The following TNIP1 variants were observed in gnomAD, a reference collection of about 807,000 sequenced individuals.
TNIP1 encodes TNFAIP3 interacting protein 1, also known as TNFAIP3-interacting protein 1.
Under a neutral mutation model 86.6 loss-of-function variants are expected in TNIP1, and 22 were observed. The observed-to-expected ratio is 0.25, with a 90% CI of 0.18 to 0.36. TNIP1 has a LOEUF of 0.36. TNIP1 is among the 10% of genes least tolerant of loss of function. The pLI, the probability that TNIP1 is intolerant of heterozygous loss-of-function variation, is 1.00. For synonymous variants in TNIP1, 294 were observed against 313.0 expected (o/e 0.94, Z 0.64); for missense variants, 709 against 820.6 (o/e 0.86, Z 1.66).
chr5:151,064,902 C>A (rs975415392), intron 2 of TNIP1, 58 bp downstream of exon 2: 3 of 1,607,070 alleles, frequency 1.9e-6, no homozygotes, highest in Admixed American at 1.7e-5. Context: ...AGTAGAGGGA[C>A]TGGCATCACA....
intron 2 of TNIP1, among the ~76,000 whole-genome samples, chr5:151,064,709 G>A (rs935326140): frequency 2.6e-5 from 4 of 152,098 alleles, no homozygotes; most frequent in Non-Finnish European, 4.4e-5. Flanking sequence ...CTTAGCCCAC[G>A]CCTCCCTCTT....
At chr5:151,059,824 AGAGAGTGTGTGTGT>A (rs1761227028) in intron 5 of TNIP1, among the ~76,000 whole-genome samples, 5 of 79,440 alleles carry the variant, frequency 6.3e-5, no homozygotes, top group Admixed American at 1.5e-4. Flanking sequence ...AGAGAGAGAG[AGAGAGTGTGTGTGT>A]GTGTGTGTGT....
chr5:151,066,496 C>T (rs577779751), intron 1 of TNIP1, among the ~76,000 whole-genome samples: 13 of 152,342 alleles, frequency 8.5e-5, no homozygotes, highest in African/African-American at 3.1e-4. Context: ...ACACCATGCT[C>T]CGTGGGTCCT....
chr5:151,079,015 T>A (rs1229677396), intron 1 of TNIP1, among the ~76,000 whole-genome samples: 1 of 152,138 alleles, frequency 6.6e-6, no homozygotes, highest in Non-Finnish European at 1.5e-5. Context: ...GGTGGGGGTA[T>A]CCAGGGGCAG....
At chr5:151,065,642 CTTAAG>C (rs1453572156) in intron 1 of TNIP1, among the ~76,000 whole-genome samples, 3 of 152,102 alleles carry the variant, frequency 2.0e-5, no homozygotes, top group African/African-American at 7.2e-5. Flanking sequence ...AAATGAAAGT[CTTAAG>C]TTAATTTAGT....
At chr5:151,039,308 C>G (rs1758117335) in intron 11 of TNIP1, 83 bp from the exon 12 acceptor site, 1 of 1,470,812 alleles carries the variant, frequency 6.8e-7, no homozygotes, top group African/African-American at 1.4e-5. Context: ...TGGCCCAGCC[C>G]TTACGTTCTC....
chr5:151,038,965 G>C, intron 12 of TNIP1, 132 bp downstream of exon 12: 1 of 1,279,010 alleles, frequency 7.8e-7, no homozygotes, highest in Non-Finnish European at 1.0e-6. Flanking sequence ...GAGCAGGCGG[G>C]AAACAGGATG....
chr5:151,051,923 A>G lies in TNIP1; in HGVS notation c.722+242T>C, dbSNP rs1166592418. Among the ~76,000 whole-genome samples the G allele has an allele frequency of 2.0e-5, 3 of 152,134 alleles. No individual in the cohort carries two copies. In the East Asian group the frequency reaches 5.8e-4, roughly 29 times the overall value. ...AGTGCTGGAGGAGGAAGGAAGTACA[A>G]TCTATGCTGACCTTCTTCTGAAGCT... On this transcript the variant is annotated intron_variant, in intron 7 of 17. Transcript: ENST00000521591.
chr5:151,039,145 G>A lies in TNIP1; in HGVS notation c.1215C>T (p.Leu405=). 6.2e-7 allele frequency: 1 copy of A among 1,614,094 alleles called. No homozygotes were observed. The highest frequency in any genetic ancestry group is 8.5e-7 in the Non-Finnish European group (1 of 1,180,000). The part of the protein sequence containing the change: ...VKYLQDQLSP[L]TRQREYQEKE... ...TTTCCTGGTACTCACGCTGTCGGGT[G>A]AGTGGGCTCAGCTGATCCTGCAGGT... Residue 405 remains leucine (L), a synonymous_variant, in exon 12 of 18, where the codon CTC becomes CTT. Coordinates refer to ENST00000521591, the MANE Select transcript of TNIP1 (RefSeq NM_006058.5).
chr5:151,045,971 G>T, intron 8 of TNIP1, 21 bp from the exon 9 acceptor site: 1 of 1,610,618 alleles, frequency 6.2e-7, no homozygotes. Flanking sequence ...GCACAGAGGA[G>T]CCTTCACCAA....
chr5:151,044,560 G>A (rs1758879597), intron 9 of TNIP1, among the ~76,000 whole-genome samples: 1 of 152,150 alleles, frequency 6.6e-6, no homozygotes, highest in East Asian at 1.9e-4. Context: ...AAAAAAAGAC[G>A]CTTATAACAA....
At chr5:151,041,430 G>A (rs1758402868) in intron 11 of TNIP1, among the ~76,000 whole-genome samples, 1 of 152,134 alleles carries the variant, frequency 6.6e-6, no homozygotes, top group South Asian at 2.1e-4. Flanking sequence ...GAGTGCAGTG[G>A]CACAATCACA....
chr5:151,041,958 T>TTTTTA (rs1758475294), intron 11 of TNIP1, among the ~76,000 whole-genome samples: 1 of 150,862 alleles, frequency 6.6e-6, no homozygotes. Flanking sequence ...TTTTTTTTTT[T>TTTTTA]AGCAAGAGTT....
chr5:151,039,860 A>C (rs1758198939), intron 11 of TNIP1, among the ~76,000 whole-genome samples: 1 of 152,226 alleles, frequency 6.6e-6, no homozygotes, highest in Admixed American at 6.5e-5. Flanking sequence ...AAGAAAGATC[A>C]CCACAGCTGA....
intron 1 of TNIP1, among the ~76,000 whole-genome samples, chr5:151,071,934 T>C (rs914193957): frequency 1.3e-5 from 2 of 152,178 alleles, no homozygotes; most frequent in African/African-American, 4.8e-5. Context: ...TGACAGTTCG[T>C]TAGGCGCTAC....
rs183510814 is a variant in TNIP1, at chr5:151,038,493, G to A, written c.1263+604C>T. On this transcript the variant is annotated intron_variant, in intron 12 of 17. Transcript: ENST00000521591. ...GGCTAAGCTGGGACTAGACCACTCC[G>A]CTTGGCTCAGACCAGAGGGTTTCTG... 8.7e-4 allele frequency among the ~76,000 whole-genome samples: 133 copies of A among 152,272 alleles called. 1 individual carries two copies. The highest frequency in any genetic ancestry group is 2.9e-3 in the African/African-American group (122 of 41,556).
At chr5:151,067,503 G>A (rs1762372381) in intron 1 of TNIP1, among the ~76,000 whole-genome samples, 1 of 152,218 alleles carries the variant, frequency 6.6e-6, no homozygotes, top group Non-Finnish European at 1.5e-5. Flanking sequence ...GGGCTACAAG[G>A]GGCCTGGAGC....
upstream of TNIP1, among the ~76,000 whole-genome samples, chr5:151,083,766 A>AG (rs1764170096): frequency 1.3e-5 from 2 of 152,240 alleles, no homozygotes; most frequent in Admixed American, 1.3e-4. Flanking sequence ...ACACATTTGA[A>AG]GGTAATAAAA....
intron 8 of TNIP1, among the ~76,000 whole-genome samples, chr5:151,049,097 C>T (rs1368104653): frequency 6.6e-6 from 1 of 152,166 alleles, no homozygotes; most frequent in Non-Finnish European, 1.5e-5. Flanking sequence ...ACGGTAATTG[C>T]TACTATTGCA....
Sources: gnomAD v4.1 joint callset for allele counts (sites outside exome capture counted in the v4.1 genomes callset) on GRCh38, gnomAD v4.1.1 for gene constraint, MANE v1.5 for transcripts, NCBI Gene and HGNC (gene_info 2026-07-23, HGNC 2026-07-21) for gene names.